SPOCK1: variants seen among roughly 807,000 people sequenced by gnomAD.
The protein encoded by SPOCK1 is SPARC (osteonectin), cwcv and kazal like domains proteoglycan 1, also known as testican-1.
A neutral mutation model predicts 55.3 loss-of-function variants in SPOCK1; 23 were observed. The observed-to-expected ratio is 0.42, with a 90% CI of 0.30 to 0.59. The LOEUF is 0.59. Among genes scored for constraint, SPOCK1 ranks in the 20% least tolerant of loss-of-function variants. The pLI, the probability that SPOCK1 is intolerant of heterozygous loss-of-function variation, is 0.22. For missense variants in SPOCK1, 499 were observed against 552.5 expected (o/e 0.90, Z 0.97); for synonymous variants, 226 against 221.0 (o/e 1.02, Z -0.20).
intron 4 of SPOCK1, among the ~76,000 whole-genome samples, chr5:137,122,655 T>C (rs1248755567): frequency 2.0e-5 from 3 of 152,164 alleles, no homozygotes; most frequent in Non-Finnish European, 2.9e-5. Flanking sequence ...GCTGAGAACT[T>C]CATTTGGTAT....
intron 3 of SPOCK1, among the ~76,000 whole-genome samples, chr5:137,209,052 G>A (rs1027212054): frequency 1.3e-5 from 2 of 152,096 alleles, no homozygotes; most frequent in African/African-American, 4.8e-5. Context: ...TTGTAGAACT[G>A]GGATAATTAA....
chr5:136,975,908 T>C lies in SPOCK1; in HGVS notation c.*2746A>G, dbSNP rs1382696269. ...AAAAGAGCTGTTCATGGAATAAGAA[T>C]AAAACTGTTCATTAAGAACTTTTCA... On this transcript the variant is annotated 3_prime_UTR_variant, in exon 11 of 11. Coordinates refer to ENST00000394945, the MANE Select transcript of SPOCK1 (RefSeq NM_004598.4). The C allele has an allele frequency of 6.6e-6, 1 of 152,206 alleles. No homozygotes were observed. The highest frequency in any genetic ancestry group is 6.5e-5 in the Admixed American group (1 of 15,288). 9.4% of individuals were successfully genotyped at this position (152,206 alleles called of 1,614,324 possible).
chr5:137,421,599 A>G (rs1001207306), intron 2 of SPOCK1, among the ~76,000 whole-genome samples: 5 of 152,108 alleles, frequency 3.3e-5, no homozygotes, highest in African/African-American at 1.2e-4. Flanking sequence ...AGTCTGTTTT[A>G]TCAGAGACTA....
At chr5:137,167,561 T>C (rs879598998) in intron 3 of SPOCK1, among the ~76,000 whole-genome samples, 1 of 152,062 alleles carries the variant, frequency 6.6e-6, no homozygotes, top group African/African-American at 2.4e-5. Flanking sequence ...TGGACCTTTT[T>C]TGTTAGGTCA....
chr5:137,472,870 C>T (rs1354169077), intron 2 of SPOCK1, among the ~76,000 whole-genome samples: 1 of 152,224 alleles, frequency 6.6e-6, no homozygotes. Context: ...CCACTTCACT[C>T]ATAATGAAAG....
intron 2 of SPOCK1, among the ~76,000 whole-genome samples, chr5:137,447,686 C>A (rs139723542): frequency 6.6e-6 from 1 of 152,242 alleles, no homozygotes; most frequent in Non-Finnish European, 1.5e-5. Flanking sequence ...TGGGGAACGC[C>A]TCCCTAAACC....
At chr5:137,104,704 T>C (rs1365302010) in intron 5 of SPOCK1, among the ~76,000 whole-genome samples, 1 of 152,176 alleles carries the variant, frequency 6.6e-6, no homozygotes, top group African/African-American at 2.4e-5. Flanking sequence ...TGCATGCTCT[T>C]TATGAGAATC....
Position 137,123,347 on chromosome 5 carries a change from C to T in SPOCK1, c.348-10786G>A, listed in dbSNP as rs768130854. ...TTGTCTTCTGCTGGTATGCCCCATC[C>T]GTTCCCAAAGGTGAGCTCAAGTAGC... On this transcript the variant is annotated intron_variant, in intron 4 of 10. Transcript: ENST00000394945. 5.9e-5 allele frequency among the ~76,000 whole-genome samples: 9 copies of T among 152,146 alleles called. No homozygotes were observed. In the East Asian group the frequency reaches 1.4e-3, roughly 23 times the overall value.
chr5:137,219,150 T>C (rs1345886538), intron 3 of SPOCK1, among the ~76,000 whole-genome samples: 1 of 152,216 alleles, frequency 6.6e-6, no homozygotes, highest in African/African-American at 2.4e-5. Context: ...TCTTAATTTG[T>C]CTAGTAGCCT....
At position 136,975,983 on chromosome 5, in the gene SPOCK1, T is replaced by C. The variant is rs1750602988; in HGVS notation, c.*2671A>G. 6.6e-6 allele frequency: 1 copy of C among 152,224 alleles called. No individual in the cohort carries two copies. The highest frequency in any genetic ancestry group is 1.5e-5 in the Non-Finnish European group (1 of 68,050). The allele number at this position is 152,224 out of a possible 1,614,324, so 9.4% of individuals were successfully genotyped here. A position where few individuals can be genotyped will look rare whatever the true frequency, so the allele number is the denominator to read the frequency against. On this transcript the variant is annotated 3_prime_UTR_variant, in exon 11 of 11. Transcript: ENST00000394945. ...TTAATACCTGTATCAAATGAGGAAG[T>C]GGTTTATTACAATATTTTTATAATC...
At chr5:137,098,420 C>T (rs1445780095) in intron 5 of SPOCK1, among the ~76,000 whole-genome samples, 1 of 152,164 alleles carries the variant, frequency 6.6e-6, no homozygotes, top group Non-Finnish European at 1.5e-5. Context: ...AGCTCAGGAC[C>T]AGTGGCCCAG....
chr5:137,096,867 G>A (rs142109529), intron 5 of SPOCK1, among the ~76,000 whole-genome samples: 187 of 152,296 alleles, frequency 1.2e-3, no homozygotes, highest in Middle Eastern at 6.8e-3. Context: ...CAGTGTGGAG[G>A]ACGCTTGGCT....
At chr5:136,988,687 C>A (rs1380329988) in intron 7 of SPOCK1, 44 bp from the exon 8 acceptor site, 3 of 1,558,910 alleles carry the variant, frequency 1.9e-6, no homozygotes, top group Non-Finnish European at 2.6e-6. Flanking sequence ...AAGCCTGATG[C>A]TTTCCTCCCT....
chr5:137,026,962 A>G (rs1004947054), intron 6 of SPOCK1, among the ~76,000 whole-genome samples: 2 of 152,268 alleles, frequency 1.3e-5, no homozygotes, highest in Non-Finnish European at 2.9e-5. Flanking sequence ...ATCCTGGCAC[A>G]GAGTAGTCAT....
chr5:137,112,942 G>A (rs966978300), intron 4 of SPOCK1, among the ~76,000 whole-genome samples: 2 of 152,054 alleles, frequency 1.3e-5, no homozygotes, highest in East Asian at 3.9e-4. Flanking sequence ...CCCAAAGTCT[G>A]AGACTCTCCT....
intron 2 of SPOCK1, among the ~76,000 whole-genome samples, chr5:137,433,623 C>T (rs796135267): frequency 2.1e-4 from 32 of 152,268 alleles, no homozygotes; most frequent in Middle Eastern, 3.4e-3. Flanking sequence ...AGCAAACGGG[C>T]GAACATCTCA....
intron 6 of SPOCK1, among the ~76,000 whole-genome samples, chr5:137,023,493 T>C (rs907266804): frequency 1.3e-5 from 2 of 152,268 alleles, no homozygotes; most frequent in Admixed American, 6.5e-5. Flanking sequence ...CAGGGTGTGA[T>C]AGGCTAACTA....
At position 137,306,076 on chromosome 5, in the gene SPOCK1, C is replaced by G. The variant is rs61705354; in HGVS notation, c.187-39021G>C. 0.011 allele frequency among the ~76,000 whole-genome samples: 1,645 copies of G among 152,216 alleles called. 164 individuals carry two copies. In the East Asian group the frequency reaches 0.25, roughly 23 times the overall value. ...GTATAGTTAGAATTACTGCTAGTCA[C>G]CATGGCGTGGAAATGGCTTTCAGGA... is the stretch of plus-strand genomic sequence containing the variant. On this transcript the variant is annotated intron_variant, in intron 2 of 10. Transcript: ENST00000394945.
At chr5:137,087,092 T>G (rs1156297742) in intron 5 of SPOCK1, among the ~76,000 whole-genome samples, 1 of 152,350 alleles carries the variant, frequency 6.6e-6, no homozygotes, top group East Asian at 1.9e-4. Flanking sequence ...TTTGCTGAAA[T>G]TAATCAAATC....
Sources: allele counts gnomAD v4.1 joint callset (sites outside exome capture counted in the v4.1 genomes callset), GRCh38; gene constraint gnomAD v4.1.1; transcripts MANE v1.5; gene names NCBI Gene and HGNC (gene_info 2026-07-23, HGNC 2026-07-21).